Variants in CATSPERE observed in about 807,000 individuals in gnomAD.
CATSPERE encodes the protein cation channel sperm-associated auxiliary subunit epsilon.
In CATSPERE, 93 loss-of-function variants were observed where a neutral mutation model predicts 114.1. The ratio of observed to expected loss-of-function variants is 0.81; its 90% CI spans 0.69 to 0.97. The LOEUF (loss-of-function observed/expected upper bound fraction) is 0.97, where lower values mean the gene tolerates loss of function less well. Among genes scored for constraint, CATSPERE ranks in the 50% least tolerant of loss-of-function variants. The probability of loss-of-function intolerance (pLI) is 0.00; values close to 1 mark genes in which losing one functional copy is unlikely to be tolerated. For missense variants in CATSPERE, 1,058 were observed against 1,131.6 expected, an observed-to-expected ratio of 0.93 and a Z score of 0.93; for synonymous variants, 341 against 384.1, an observed-to-expected ratio of 0.89 and a Z score of 1.31.
chr1:244,566,429 A>T (rs1663507177), intron 10 of CATSPERE, among the ~76,000 whole-genome samples: 1 of 151,916 alleles, frequency 6.6e-6, no homozygotes. Context: ...TGGGGTGTTT[A>T]AGTCTCCCAC....
chr1:244,467,041 A>G (rs902088142), intron 2 of CATSPERE, among the ~76,000 whole-genome samples: 16 of 152,214 alleles, frequency 1.1e-4, no homozygotes, highest in African/African-American at 3.9e-4. Flanking sequence ...GCAGGAATGA[A>G]TGATCATGGC....
chr1:244,578,952 T>C (rs958471861), intron 11 of CATSPERE, among the ~76,000 whole-genome samples: 1 of 151,794 alleles, frequency 6.6e-6, no homozygotes, highest in African/African-American at 2.4e-5. Context: ...TTTCTTGTGA[T>C]GTCATGACTT....
At chr1:244,629,121 G>C (rs1417993572) in intron 20 of CATSPERE, among the ~76,000 whole-genome samples, 1 of 152,164 alleles carries the variant, frequency 6.6e-6, no homozygotes, top group Non-Finnish European at 1.5e-5. Context: ...ACTTGCTTTT[G>C]CTTCAAAACT....
chr1:244,591,773 G>A lies in CATSPERE; in HGVS notation c.2189+42G>A, dbSNP rs190696501. ...CATAAGCACTGAGTTTTATATTAAC[G>A]TAGTACCAATACTTTACAATCAGTA... On this transcript the variant is annotated intron_variant, in intron 15 of 21. Coordinates refer to ENST00000366534, the MANE Select transcript of CATSPERE (RefSeq NM_001130957.2). 783 of 1,176,666 alleles carry A rather than the reference G, an allele frequency of 6.7e-4. 3 individuals carry two copies. The highest frequency in any genetic ancestry group is 3.5e-3 in the Middle Eastern group (18 of 5,194). The allele number at this position is 1,176,666 out of a possible 1,614,324, so 72.9% of individuals were successfully genotyped here. A position where few individuals can be genotyped will look rare whatever the true frequency, so the allele number is the denominator to read the frequency against.
chr1:244,542,423 T>C (rs140670664), intron 8 of CATSPERE, among the ~76,000 whole-genome samples: 130 of 152,278 alleles, frequency 8.5e-4, no homozygotes, highest in African/African-American at 3.0e-3. Context: ...GTGTACCCAT[T>C]ACCCAAATAG....
At chr1:244,528,785 C>CCACACACGCACGCACACACACACACACA (rs749801424) in intron 8 of CATSPERE, among the ~76,000 whole-genome samples, 7 of 130,536 alleles carry the variant, frequency 5.4e-5, no homozygotes, top group African/African-American at 2.1e-4. Flanking sequence ...CAATCCCCCA[C>CCACACACGCACGCACACACACACACACA]CACACACACA....
intron 9 of CATSPERE, among the ~76,000 whole-genome samples, chr1:244,558,992 C>A (rs992735565): frequency 6.6e-6 from 1 of 152,154 alleles, no homozygotes; most frequent in African/African-American, 2.4e-5. Context: ...CAAAGACTTA[C>A]TACCTTACAT....
chr1:244,624,803 G>GA lies in CATSPERE; in HGVS notation c.2648+7129dup, dbSNP rs1023078642. On this transcript the variant is annotated intron_variant, in intron 20 of 21. Coordinates refer to ENST00000366534, the MANE Select transcript of CATSPERE (RefSeq NM_001130957.2). ...GGCGACAGAGCGAGAGTCCATCAAA[G>GA]AAAAAAAAAAAAGAAACCACTTTCT... Among the ~76,000 whole-genome samples the GA allele has an allele frequency of 1.2e-3, 163 of 138,488 alleles. 2 individuals carry two copies. The highest frequency in any genetic ancestry group is 1.5e-3 in the Non-Finnish European group (92 of 63,438). The allele number at this position is 138,488 out of a possible 152,430, so 90.9% of individuals were successfully genotyped here.
At chr1:244,496,783 A>G (rs528707912) in intron 6 of CATSPERE, among the ~76,000 whole-genome samples, 1 of 152,334 alleles carries the variant, frequency 6.6e-6, no homozygotes, top group East Asian at 1.9e-4. Context: ...AAAACACTGA[A>G]TAAGAACAGG....
intron 6 of CATSPERE, among the ~76,000 whole-genome samples, 190 bp downstream of exon 6, chr1:244,490,661 C>T (rs374694056): frequency 3.3e-5 from 5 of 152,166 alleles, no homozygotes; most frequent in Admixed American, 6.5e-5. Flanking sequence ...CACCTATCTG[C>T]ATAAGGATGG....
In CATSPERE at chr1:244,580,652, T is replaced by A. The variant is rs540806219; in HGVS notation, c.1951-1144T>A. ...CAAAGCCCTCCTGTGTTTTCCCTGA[T>A]CAGAATTGTCTCCTTTTCCAGGTTA... On this transcript the variant is annotated intron_variant, in intron 11 of 21. Coordinates refer to ENST00000366534, the MANE Select transcript of CATSPERE (RefSeq NM_001130957.2). Among the ~76,000 whole-genome samples, 8 of 152,246 alleles carry A rather than the reference T, an allele frequency of 5.3e-5. 1 individual carries two copies. In the South Asian group the frequency reaches 1.7e-3, roughly 32 times the overall value.
chr1:244,463,847 A>G, intron 1 of CATSPERE, 61 bp from the exon 2 acceptor site: 2 of 1,391,764 alleles, frequency 1.4e-6, no homozygotes, highest in South Asian at 1.2e-5. Flanking sequence ...CCATGTAGAG[A>G]ATCCTCATAT....
At chr1:244,543,835 A>T (rs3005991) in intron 8 of CATSPERE, among the ~76,000 whole-genome samples, 150,762 of 151,856 alleles carry the variant, frequency 0.99, 74,847 homozygotes, top group Middle Eastern at 1. Flanking sequence ...TTATGAGGTG[A>T]GGGGAGAAAC....
intron 11 of CATSPERE, among the ~76,000 whole-genome samples, chr1:244,578,823 C>CATACATATAT: frequency 7.5e-6 from 1 of 133,008 alleles, no homozygotes; most frequent in South Asian, 2.5e-4. Flanking sequence ...GGTGCATATA[C>CATACATATAT]ATATATATAT....
In CATSPERE at chr1:244,519,186, A is replaced by G. The variant is rs3003272; in HGVS notation, c.536+488A>G. ...CTAAAGGATAAAGTACCTGCCTTCA[A>G]TAATCTTTCATTTAGTGCAAGAGAC... On this transcript the variant is annotated intron_variant, in intron 8 of 21. Transcript: ENST00000366534. Among the ~76,000 whole-genome samples, 1,117 of 152,312 alleles carry G rather than the reference A, an allele frequency of 7.3e-3. 14 individuals carry two copies. The highest frequency in any genetic ancestry group is 0.025 in the African/African-American group (1,029 of 41,550).
chr1:244,543,947 G>A (rs1034248106), intron 8 of CATSPERE, among the ~76,000 whole-genome samples: 101 of 152,042 alleles, frequency 6.6e-4, no homozygotes, highest in Non-Finnish European at 4.1e-4. Context: ...TACAGTGAAG[G>A]ACCACCAGAA....
At chr1:244,517,178 A>G (rs901550049) in intron 7 of CATSPERE, among the ~76,000 whole-genome samples, 1 of 152,006 alleles carries the variant, frequency 6.6e-6, no homozygotes, top group African/African-American at 2.4e-5. Context: ...TTATAAAATT[A>G]TCTTTAATGA....
rs1408278772 is a variant in CATSPERE at position 244,593,536 on chromosome 1, T to G, written c.2261T>G (p.Leu754Arg). Residue 754 changes from leucine to arginine, a missense_variant, in exon 17 of 22, where the codon CTG becomes CGG. Physicochemically the swap from Leu to Arg is moderately radical, Grantham distance 102. Coordinates refer to ENST00000366534, the MANE Select transcript of CATSPERE (RefSeq NM_001130957.2). ...ATTTGGGGAGAATATGGCTGCCCTC[T>G]GAGGCTTGACTTCACAGAAAAGTTT... is the stretch of plus-strand genomic sequence containing the variant. The part of the protein sequence containing the change: ...RYIWGEYGCP[L>R]RLDFTEKFQP... 1 of 1,614,110 alleles carries G rather than the reference T, an allele frequency of 6.2e-7. No individual in the cohort carries two copies. The highest frequency in any genetic ancestry group is 1.7e-5 in the Admixed American group (1 of 60,034).
chr1:244,627,800 C>CT (rs1673401074), intron 20 of CATSPERE, among the ~76,000 whole-genome samples: 1 of 152,210 alleles, frequency 6.6e-6, no homozygotes, highest in Non-Finnish European at 1.5e-5. Flanking sequence ...GATTCACTTA[C>CT]TTACAATCAA....
Sources: gnomAD v4.1 joint callset for allele counts (sites outside exome capture counted in the v4.1 genomes callset) on GRCh38, gnomAD v4.1.1 for gene constraint, MANE v1.5 for transcripts, NCBI Gene and HGNC (gene_info 2026-07-23, HGNC 2026-07-21) for gene names.